Variants in GRM8 observed in about 807,000 individuals in gnomAD.
The protein encoded by GRM8 is glutamate metabotropic receptor 8, also known as metabotropic glutamate receptor 8.
In GRM8, 47 loss-of-function variants were observed where a neutral mutation model predicts 87.2. The observed-to-expected ratio is 0.54, with a 90% CI of 0.43 to 0.69. GRM8 has a LOEUF of 0.69. GRM8 is among the 30% of genes least tolerant of loss of function. The pLI, the probability that GRM8 is intolerant of heterozygous loss-of-function variation, is 0.00. For missense variants in GRM8, 1,019 were observed against 1,139.2 expected (o/e 0.89, Z 1.52); for synonymous variants, 396 against 404.5 (o/e 0.98, Z 0.25).
chr7:126,573,157 C>T (rs538653951), intron 8 of GRM8, among the ~76,000 whole-genome samples: 1 of 152,126 alleles, frequency 6.6e-6, no homozygotes, highest in Admixed American at 6.5e-5. Context: ...AATCTTAGTC[C>T]AGAACTTAAA....
At chr7:126,980,156 T>G (rs1240398748) in intron 3 of GRM8, among the ~76,000 whole-genome samples, 1 of 152,192 alleles carries the variant, frequency 6.6e-6, no homozygotes, top group Non-Finnish European at 1.5e-5. Context: ...AAGGTCAGAG[T>G]ATGCAAGGGT....
At chr7:126,835,075 CA>C (rs1330849500) in intron 6 of GRM8, among the ~76,000 whole-genome samples, 151 of 84,514 alleles carry the variant, frequency 1.8e-3, no homozygotes, top group Admixed American at 3.4e-3. Flanking sequence ...AACTCTATCT[CA>C]AAAAAAAAAT....
intron 6 of GRM8, among the ~76,000 whole-genome samples, chr7:126,819,556 T>C (rs940837426): frequency 6.6e-6 from 1 of 152,082 alleles, no homozygotes; most frequent in African/African-American, 2.4e-5. Flanking sequence ...AACAAATCAA[T>C]GTAATATAAT....
chr7:126,855,533 T>G (rs1300723317), intron 6 of GRM8, among the ~76,000 whole-genome samples: 1 of 147,512 alleles, frequency 6.8e-6, no homozygotes, highest in African/African-American at 2.5e-5. Context: ...TGGAGTGCAA[T>G]AGAGTGATCT....
chr7:127,110,880 T>C (rs1221397467), intron 2 of GRM8, among the ~76,000 whole-genome samples: 1 of 152,212 alleles, frequency 6.6e-6, no homozygotes, highest in Non-Finnish European at 1.5e-5. Flanking sequence ...AGGCTCTCTC[T>C]TTATTCTCTG....
rs557452647 is a variant in GRM8 at position 126,990,046 on chromosome 7, C to G, written c.728-85363G>C. On this transcript the variant is annotated intron_variant, in intron 3 of 10. Transcript: ENST00000339582. ...ACCTTAAAGAGAAGTAAAATATTCT[C>G]CTTTACTGTCTCCATTTCAGTCATT... is the stretch of plus-strand genomic sequence containing the variant. Among the ~76,000 whole-genome samples the G allele has an allele frequency of 2.6e-5, 4 of 152,242 alleles. No homozygotes were observed. The East Asian group carries it at 7.7e-4, about 29-fold the overall frequency.
intron 6 of GRM8, among the ~76,000 whole-genome samples, chr7:126,854,348 C>G (rs546821582): frequency 1.3e-5 from 2 of 152,324 alleles, no homozygotes; most frequent in African/African-American, 4.8e-5. Context: ...GAACTATCTT[C>G]CATCTCCTGA....
chr7:126,896,532 C>T (rs577505047), intron 6 of GRM8, among the ~76,000 whole-genome samples: 19 of 152,018 alleles, frequency 1.2e-4, no homozygotes, highest in Non-Finnish European at 2.2e-4. Flanking sequence ...TGAGTGAATA[C>T]GGGAGAGCTT....
intron 2 of GRM8, among the ~76,000 whole-genome samples, chr7:127,214,810 C>G (rs575585936): frequency 2.6e-5 from 4 of 152,052 alleles, no homozygotes; most frequent in Non-Finnish European, 5.9e-5. Context: ...GATGTTAAAA[C>G]CTTTTTTTTC....
intron 7 of GRM8, among the ~76,000 whole-genome samples, chr7:126,714,768 G>A (rs1311972566): frequency 6.6e-6 from 1 of 152,004 alleles, no homozygotes; most frequent in South Asian, 2.1e-4. Flanking sequence ...CTGTTGACCA[G>A]AAGCCTTACT....
intron 2 of GRM8, among the ~76,000 whole-genome samples, chr7:127,136,717 T>C (rs1827962305): frequency 6.6e-6 from 1 of 151,958 alleles, no homozygotes; most frequent in Admixed American, 6.6e-5. Flanking sequence ...GCAATAGACG[T>C]CTCTACAAAG....
intron 2 of GRM8, among the ~76,000 whole-genome samples, chr7:127,134,730 T>C (rs1430069879): frequency 1.3e-5 from 2 of 152,152 alleles, no homozygotes; most frequent in African/African-American, 4.8e-5. Flanking sequence ...AGGCATTTTC[T>C]TATATACAAA....
At chr7:126,768,938 A>AAAAACAAAAAAAAAAT (rs1818528798) in intron 7 of GRM8, among the ~76,000 whole-genome samples, 1 of 148,062 alleles carries the variant, frequency 6.8e-6, no homozygotes. Context: ...AAAAAAAAAA[A>AAAAACAAAAAAAAAAT]AAATAAAGAA....
chr7:126,725,962 A>G (rs1302228896), intron 7 of GRM8, among the ~76,000 whole-genome samples: 1 of 152,136 alleles, frequency 6.6e-6, no homozygotes, highest in East Asian at 1.9e-4. Context: ...CCCAGGATGA[A>G]AACACCACCC....
chr7:126,692,290 A>T (rs1184914863), intron 7 of GRM8, among the ~76,000 whole-genome samples: 1 of 152,210 alleles, frequency 6.6e-6, no homozygotes, highest in Non-Finnish European at 1.5e-5. Flanking sequence ...CAACCTTTGA[A>T]ATTCTACTAT....
intron 6 of GRM8, among the ~76,000 whole-genome samples, chr7:126,830,175 T>C (rs1586113919): frequency 1.3e-5 from 2 of 152,194 alleles, no homozygotes; most frequent in South Asian, 4.1e-4. Context: ...CTGACAATTA[T>C]GTGTCTTGGA....
intron 2 of GRM8, among the ~76,000 whole-genome samples, chr7:127,109,819 C>A (rs1201437195): frequency 6.6e-6 from 1 of 152,076 alleles, no homozygotes; most frequent in Admixed American, 6.5e-5. Flanking sequence ...TCTTCCCCAC[C>A]ACCTCCTCCC....
intron 7 of GRM8, among the ~76,000 whole-genome samples, chr7:126,713,451 A>T (rs1373963703): frequency 1.3e-5 from 2 of 152,110 alleles, no homozygotes; most frequent in Non-Finnish European, 2.9e-5. Context: ...GTTGGCAGGT[A>T]GGGAACAAGG....
chr7:126,643,535 T>G (rs1255107113), intron 7 of GRM8, among the ~76,000 whole-genome samples: 1 of 150,626 alleles, frequency 6.6e-6, no homozygotes, highest in East Asian at 1.9e-4. Flanking sequence ...ATTTAAAAAA[T>G]CACCTAATAT....
Sources: allele counts gnomAD v4.1 joint callset (sites outside exome capture counted in the v4.1 genomes callset), GRCh38; gene constraint gnomAD v4.1.1; transcripts MANE v1.5; gene names NCBI Gene and HGNC (gene_info 2026-07-23, HGNC 2026-07-21).